Variants in NEB observed in about 807,000 individuals in gnomAD.
NEB encodes nebulin, also known as nemaline myopathy type 2.
Under a neutral mutation model 952.2 loss-of-function variants are expected in NEB, and 512 were observed. The observed-to-expected ratio is 0.54, with a 90% CI of 0.50 to 0.58. NEB has a LOEUF of 0.58. Ranked by LOEUF, NEB falls within the 20% of genes least tolerant of loss-of-function variation. The pLI is 0.00. For synonymous variants in NEB, 2,900 were observed against 3,149.8 expected (o/e 0.92, Z 2.66); for missense variants, 8,428 against 9,231.1 (o/e 0.91, Z 3.56).
Position 151,503,180 on chromosome 2 carries a change from G to A in NEB, c.23835+169C>T, listed in dbSNP as rs567143080. The A allele has an allele frequency of 7.1e-5, 43 of 605,910 alleles. No individual in the cohort carries two copies. In the South Asian group the frequency reaches 7.9e-4, roughly 11 times the overall value. 37.5% of individuals were successfully genotyped at this position (605,910 alleles called of 1,614,324 possible). ...TCACTGAAAATGTTCAAGTATAATC[G>A]GAAATGTGAGTCATTTTGTATTAAC... On this transcript the variant is annotated intron_variant, in intron 166 of 181. Coordinates refer to ENST00000397345, the MANE Select transcript of NEB (RefSeq NM_001164508.2).
At chr2:151,685,136 T>C (rs75630911) in intron 27 of NEB, among the ~76,000 whole-genome samples, 161 bp from the exon 28 acceptor site, 1,815 of 152,222 alleles carry the variant, frequency 0.012, 33 homozygotes, top group African/African-American at 0.041. Flanking sequence ...ACCATTGAAA[T>C]TCCCCCAAAA....
At position 151,633,944 on chromosome 2, in the gene NEB, A is replaced by G. The variant is rs6710212; in HGVS notation, c.9124T>C (p.Cys3042Arg). The G allele has an allele frequency of 1, 1,606,713 of 1,613,354 alleles. 800,307 individuals carry two copies. The highest frequency in any genetic ancestry group is 1 in the East Asian group (44,863 of 44,864). ...ISDYKYKDGY[C>R]KQLGHHIGAR... ...CCAATATGGTGGCCAAGTTGCTTGC[A>G]GTAACCATCTTTATATTTGTACTAA... Residue 3042 changes from cysteine to arginine, a missense_variant, in exon 65 of 182, where the codon TGC (cysteine) becomes CGC (arginine). Physicochemically the swap from Cys to Arg is radical, Grantham distance 180. Around this residue, in one of 11 missense-constraint regions of NEB, gnomAD observed 1,772 missense variants for 1,960.3 expected, o/e 0.90. Transcript: ENST00000397345.
chr2:151,616,250 C>A, intron 75 of NEB, 141 bp from the exon 76 acceptor site: 1 of 568,672 alleles, frequency 1.8e-6, no homozygotes. Context: ...GATAGCTTTG[C>A]CTCATGGGTG....
intron 17 of NEB, among the ~76,000 whole-genome samples, chr2:151,695,926 C>T (rs140896726): frequency 9.9e-5 from 15 of 152,172 alleles, no homozygotes; most frequent in African/African-American, 2.9e-4. Flanking sequence ...CCCCTCCCTG[C>T]GTAGCACAAT....
At position 151,537,937 on chromosome 2, in the gene NEB, A is replaced by C. The variant is rs2153551039; in HGVS notation, c.21037T>G (p.Trp7013Gly). The C allele has an allele frequency of 6.2e-7, 1 of 1,613,558 alleles. No homozygotes were observed. Among genetic ancestry groups the C allele is most frequent in the Non-Finnish European group, 8.5e-7 (1 of 1,179,598 alleles). ...TCTGGACGATCAGGAATGGACCTCCAGATACCCAACTGGCTCATGTAGTTC... is the reference window on the plus strand; with the variant it reads ...TCTGGACGATCAGGAATGGACCTCCCGATACCCAACTGGCTCATGTAGTTC... ...KENYMSQLGI[W>G]RSIPDRPEHF... is the part of the protein sequence containing the mutation. The change falls in exon 140 of 182, where the codon TGG becomes GGG. Residue 7013 changes from tryptophan (W) to glycine (G), a missense_variant. By Grantham distance (184) the Trp-to-Gly change is radical. Around this residue, in one of 11 missense-constraint regions of NEB, gnomAD observed 3,374 missense variants for 3,651.5 expected, o/e 0.92. Coordinates refer to ENST00000397345, the MANE Select transcript of NEB (RefSeq NM_001164508.2).
At position 151,666,161 on chromosome 2, in the gene NEB, G is replaced by T. The variant is rs2154178833; in HGVS notation, c.4960C>A (p.His1654Asn). ...ATNANYRQSY[H>N]HYTLLPDALN... is the part of the protein sequence containing the mutation. ...GCATCGGGCAGGAGAGTGTAGTGGTGGTATGACTGTCTGTAGTTGGCGTTG... is the reference window on the plus strand; with the variant it reads ...GCATCGGGCAGGAGAGTGTAGTGGTTGTATGACTGTCTGTAGTTGGCGTTG... Residue 1654 changes from histidine (H) to asparagine (N), a missense_variant, in exon 41 of 182, where the codon CAC (histidine) becomes AAC (asparagine). His to Asn is a moderately conservative substitution (Grantham distance 68). This residue lies in a region of NEB where 2,851 missense variants were observed against 2,791.5 expected (regional missense o/e 1.02). Transcript: ENST00000397345. 1.2e-6 allele frequency: 2 copies of T among 1,613,952 alleles called. No homozygotes were observed. Among genetic ancestry groups the T allele is most frequent in the Non-Finnish European group, 1.7e-6 (2 of 1,179,852 alleles).
chr2:151,508,434 T>G (rs1419740007), intron 161 of NEB, among the ~76,000 whole-genome samples: 1 of 152,168 alleles, frequency 6.6e-6, no homozygotes, highest in Non-Finnish European at 1.5e-5. Context: ...GAGATGGGGA[T>G]GCCTCCAGTG....
At chr2:151,519,487 A>G (rs767950894) in intron 154 of NEB, among the ~76,000 whole-genome samples, 171 bp downstream of exon 154, 78 of 152,306 alleles carry the variant, frequency 5.1e-4, no homozygotes, top group Middle Eastern at 3.4e-3. Flanking sequence ...GAGGGAATGG[A>G]GAGTTTTTGC....
chr2:151,647,021 A>G (rs978249787), intron 54 of NEB, among the ~76,000 whole-genome samples: 1 of 152,186 alleles, frequency 6.6e-6, no homozygotes, highest in African/African-American at 2.4e-5. Context: ...GAATTTATCA[A>G]GATATCTTGG....
At chr2:151,543,530 T>C (rs896376202) in intron 135 of NEB, among the ~76,000 whole-genome samples, 2 of 152,228 alleles carry the variant, frequency 1.3e-5, no homozygotes, top group Non-Finnish European at 2.9e-5. Flanking sequence ...AGTCCAACTC[T>C]TCAGTTTAGG....
chr2:151,647,341 C>G (rs978272940), intron 54 of NEB, among the ~76,000 whole-genome samples: 2 of 150,602 alleles, frequency 1.3e-5, no homozygotes, highest in African/African-American at 4.9e-5. Flanking sequence ...AACTCCTGAT[C>G]GCAGGTGATC....
intron 20 of NEB, among the ~76,000 whole-genome samples, chr2:151,693,627 T>C (rs2099574915): frequency 6.6e-6 from 1 of 152,196 alleles, no homozygotes; most frequent in African/African-American, 2.4e-5. Flanking sequence ...CAGTATTCCA[T>C]GGTCTATCTG....
intron 161 of NEB, among the ~76,000 whole-genome samples, chr2:151,509,939 G>C (rs1374649922): frequency 6.6e-6 from 1 of 152,206 alleles, no homozygotes; most frequent in African/African-American, 2.4e-5. Flanking sequence ...TGGTTACCGG[G>C]AGAAGGCCTG....
chr2:151,534,337 C>T (rs1380397904), intron 142 of NEB: 1 of 1,596,482 alleles, frequency 6.3e-7, no homozygotes, highest in Admixed American at 1.7e-5. Flanking sequence ...AACATCATAG[C>T]ATATTATAGC....
intron 181 of NEB, among the ~76,000 whole-genome samples, chr2:151,488,979 C>A (rs540877796): frequency 3.4e-4 from 51 of 152,118 alleles, no homozygotes; most frequent in African/African-American, 1.1e-3. Flanking sequence ...TAGTTGAGTC[C>A]TTAAGTATTA....
rs1376456973 is a variant in NEB, at chr2:151,646,200, G to T, written c.7466C>A (p.Thr2489Asn). 6.2e-7 allele frequency: 1 copy of T among 1,602,880 alleles called. No individual in the cohort carries two copies. The highest frequency in any genetic ancestry group is 1.3e-5 in the African/African-American group (1 of 74,828). ...LYREAWDKDK[T>N]QIHIMPDTPD... is the part of the protein sequence containing the mutation. The stretch of plus-strand genomic sequence containing the variant: ...TGTATCAGGCATGATGTGGATCTGA[G>T]TCTTGTCTTTGTCCCAAGCTTCTCT... Residue 2489 changes from threonine (T) to asparagine (N), a missense_variant, in exon 55 of 182, where the codon ACT becomes AAT. Coordinates refer to ENST00000397345, the MANE Select transcript of NEB (RefSeq NM_001164508.2).
intron 45 of NEB, 137 bp downstream of exon 45, chr2:151,663,411 T>G (rs2099169063): frequency 1.2e-6 from 1 of 857,044 alleles, no homozygotes; most frequent in East Asian, 2.7e-5. Context: ...GAATTCAATC[T>G]AAGGTAACAA....
intron 9 of NEB, among the ~76,000 whole-genome samples, chr2:151,721,528 C>G (rs2099774081): frequency 6.6e-6 from 1 of 152,206 alleles, no homozygotes; most frequent in Non-Finnish European, 1.5e-5. Flanking sequence ...ATGGCCTTCT[C>G]TGATTACTCA....
At chr2:151,538,113 C>G (rs116515133) in intron 139 of NEB, 27 bp downstream of exon 139, 1 of 1,567,936 alleles carries the variant, frequency 6.4e-7, no homozygotes, top group Admixed American at 1.7e-5. Flanking sequence ...TAGAGCCCAA[C>G]ACAAGTAGAA....
Sources: gnomAD v4.1 joint callset for allele counts (sites outside exome capture counted in the v4.1 genomes callset) on GRCh38, gnomAD v4.1.1 for gene constraint, gnomAD v4.1.1 regional missense constraint, MANE v1.5 for transcripts, NCBI Gene and HGNC (gene_info 2026-07-23, HGNC 2026-07-21) for gene names.